RELN: variants seen among roughly 807,000 people sequenced by gnomAD.
RELN encodes reelin.
Under a neutral mutation model 427.6 loss-of-function variants are expected in RELN, and 108 were observed. That is an observed-to-expected ratio of 0.25 (90% CI 0.22 to 0.30). RELN has a LOEUF of 0.30. Ranked by LOEUF, RELN falls within the 10% of genes least tolerant of loss-of-function variation. RELN has a pLI of 1.00. For synonymous variants in RELN, 1,524 were observed against 1,513.4 expected (o/e 1.01, Z -0.16); for missense variants, 3,715 against 4,302.8 (o/e 0.86, Z 3.82).
intron 28 of RELN, among the ~76,000 whole-genome samples, chr7:103,579,076 A>C (rs548006983): frequency 3.5e-4 from 53 of 152,326 alleles, no homozygotes; most frequent in African/African-American, 1.2e-3. Flanking sequence ...TACCATGAGG[A>C]GCAAAACCCA....
At chr7:103,709,834 T>A (rs546521854) in intron 8 of RELN, among the ~76,000 whole-genome samples, 2 of 152,340 alleles carry the variant, frequency 1.3e-5, no homozygotes, top group East Asian at 3.9e-4. Flanking sequence ...TAATGATTAT[T>A]TCTTATTGAG....
chr7:103,593,856 A>G lies in RELN; in HGVS notation c.3738T>C (p.Asp1246=). Residue 1246 remains aspartate (D), a synonymous_variant, in exon 27 of 65, where the codon GAT becomes GAC. Transcript: ENST00000428762. ...ACACACTCATCTGATTCATAGGGTA[A>G]TCAAAAGCTGGCTTCTCATAAAAGT... ...PQNFYEKPAF[D]YPMNQMSVWL... The G allele has an allele frequency of 6.2e-7, 1 of 1,613,830 alleles. No individual in the cohort carries two copies. The highest frequency in any genetic ancestry group is 8.5e-7 in the Non-Finnish European group (1 of 1,179,826).
chr7:103,718,606 C>T (rs956400703), intron 8 of RELN, among the ~76,000 whole-genome samples: 1 of 152,120 alleles, frequency 6.6e-6, no homozygotes, highest in Non-Finnish European at 1.5e-5. Flanking sequence ...CCCAAGCCCC[C>T]TCTTGCCATG....
intron 1 of RELN, among the ~76,000 whole-genome samples, chr7:103,934,794 T>C (rs1435349106): frequency 6.6e-6 from 1 of 152,134 alleles, no homozygotes; most frequent in Non-Finnish European, 1.5e-5. Context: ...TTCCCATTAA[T>C]CTAGAGGCAA....
chr7:103,755,359 A>G (rs906606167), intron 4 of RELN, among the ~76,000 whole-genome samples: 1 of 151,688 alleles, frequency 6.6e-6, no homozygotes, highest in South Asian at 2.1e-4. Context: ...CTGTAATCCC[A>G]GCACTTTGGG....
chr7:103,913,984 G>A (rs895993637), intron 2 of RELN, among the ~76,000 whole-genome samples: 8 of 152,160 alleles, frequency 5.3e-5, no homozygotes, highest in Admixed American at 2.0e-4. Flanking sequence ...GATGGGCTCT[G>A]CCCAAGCTCA....
chr7:103,905,179 C>T (rs577516257), intron 2 of RELN, among the ~76,000 whole-genome samples: 130 of 152,068 alleles, frequency 8.5e-4, no homozygotes, highest in Non-Finnish European at 1.5e-3. Context: ...CAGGGTTTCA[C>T]TGTATTGGCC....
chr7:103,619,760 G>A (rs1173407369), intron 20 of RELN, among the ~76,000 whole-genome samples: 1 of 152,152 alleles, frequency 6.6e-6, no homozygotes, highest in African/African-American at 2.4e-5. Flanking sequence ...GAGACCAAGG[G>A]TCAGAGAGGG....
At chr7:103,895,959 A>C (rs529409815) in intron 2 of RELN, among the ~76,000 whole-genome samples, 2 of 152,162 alleles carry the variant, frequency 1.3e-5, no homozygotes, top group Non-Finnish European at 2.9e-5. Context: ...GAGGACTGAT[A>C]CACAGGATAT....
In RELN at chr7:103,594,410, C is replaced by T. The variant is rs1230772547; in HGVS notation, c.3622G>A (p.Asp1208Asn). 1 of 1,613,904 alleles carries T rather than the reference C, an allele frequency of 6.2e-7. No individual in the cohort carries two copies. The highest frequency in any genetic ancestry group is 1.3e-5 in the African/African-American group (1 of 74,912). ...TCATCGACTGCCCACTGGTCATAGTCCTCCCCTGAGAACACGGGCTGCCAC... is the reference window on the plus strand; with the variant it reads ...TCATCGACTGCCCACTGGTCATAGTTCTCCCCTGAGAACACGGGCTGCCAC... ...RWWQPVFSGE[D>N]YDQWAVDDII... The change falls in exon 26 of 65, where the codon GAC (aspartate) becomes AAC (asparagine). Residue 1208 changes from aspartate to asparagine, a missense_variant. Asp to Asn is a conservative substitution (Grantham distance 23). Around this residue, in one of 4 missense-constraint regions of RELN, gnomAD observed 2,208 missense variants for 2,361.7 expected, o/e 0.93. Transcript: ENST00000428762.
rs1242577112 is a variant in RELN at position 103,596,812 on chromosome 7, G to A, written c.3334-151C>T. On this transcript the variant is annotated intron_variant, in intron 24 of 64. Coordinates refer to ENST00000428762, the MANE Select transcript of RELN (RefSeq NM_005045.4). ...GGAGAGAGGGCAGTCATGCCATTTA[G>A]TTGTTTCTGATCCGACTACGGTAAC... The A allele has an allele frequency of 5.4e-6, 4 of 737,310 alleles. No individual in the cohort carries two copies. In the East Asian group the frequency reaches 8.0e-5, roughly 15 times the overall value. 45.7% of individuals were successfully genotyped at this position (737,310 alleles called of 1,614,324 possible).
intron 1 of RELN, among the ~76,000 whole-genome samples, chr7:103,928,598 T>C (rs968187950): frequency 3.9e-5 from 6 of 152,214 alleles, no homozygotes; most frequent in South Asian, 2.1e-4. Context: ...TATAATTGAA[T>C]TGAATTGAGG....
At chr7:103,642,473 T>C (rs1225981318) in intron 16 of RELN, among the ~76,000 whole-genome samples, 1 of 148,724 alleles carries the variant, frequency 6.7e-6, no homozygotes, top group Non-Finnish European at 1.5e-5. Context: ...TCACATAGAA[T>C]GATAACAGAA....
chr7:103,593,738 G>C lies in RELN; in HGVS notation c.3856C>G (p.Arg1286Gly). ...AMIFGKSDGD[R>G]FAVTRDLTLK... is the part of the protein sequence containing the mutation. The stretch of plus-strand genomic sequence containing the variant: ...GTCAAATCTCGAGTTACTGCAAATC[G>C]ATCTCCATCTGATTTTCCAAATATC... Residue 1286 changes from arginine to glycine, a missense_variant, in exon 27 of 65, where the codon CGA (arginine) becomes GGA (glycine). Arg to Gly is a moderately radical substitution (Grantham distance 125). This residue lies in a region of RELN where 2,208 missense variants were observed against 2,361.7 expected (regional missense o/e 0.93). Transcript: ENST00000428762. 2 of 1,613,954 alleles carry C rather than the reference G, an allele frequency of 1.2e-6. No individual in the cohort carries two copies. The highest frequency in any genetic ancestry group is 1.7e-6 in the Non-Finnish European group (2 of 1,179,882).
intron 37 of RELN, 132 bp from the exon 38 acceptor site, chr7:103,557,291 C>T: frequency 1.3e-6 from 1 of 783,050 alleles, no homozygotes; most frequent in African/African-American, 1.7e-5. Context: ...AGTCCAAATG[C>T]TTCAGAAGCA....
intron 64 of RELN, 190 bp from the exon 65 acceptor site, chr7:103,473,098 C>T: frequency 1.4e-6 from 1 of 698,854 alleles, no homozygotes; most frequent in East Asian, 2.8e-5. Context: ...CCTATACTCA[C>T]TGCCTTTGGC....
chr7:103,743,493 T>C (rs1408093638), intron 6 of RELN, among the ~76,000 whole-genome samples: 1 of 152,124 alleles, frequency 6.6e-6, no homozygotes, highest in African/African-American at 2.4e-5. Flanking sequence ...TCAAGACCCA[T>C]CAGTGTGCTG....
chr7:103,515,919 C>G (rs917634696), intron 49 of RELN, among the ~76,000 whole-genome samples: 2 of 152,184 alleles, frequency 1.3e-5, no homozygotes, highest in African/African-American at 4.8e-5. Context: ...CATTTGAGTT[C>G]TCAGCCTGAG....
chr7:103,611,868 C>T, intron 20 of RELN, 65 bp from the exon 21 acceptor site: 1 of 1,264,212 alleles, frequency 7.9e-7, no homozygotes. Context: ...AAATTAAAGT[C>T]TTCACTTCAC....
Sources: gnomAD v4.1 joint callset for allele counts (sites outside exome capture counted in the v4.1 genomes callset) on GRCh38, gnomAD v4.1.1 for gene constraint, gnomAD v4.1.1 regional missense constraint, MANE v1.5 for transcripts, NCBI Gene and HGNC (gene_info 2026-07-23, HGNC 2026-07-21) for gene names.